PRR5L: variants seen among roughly 807,000 people sequenced by gnomAD.
The protein encoded by PRR5L is proline rich 5 like.
PRR5L carries 21 observed loss-of-function variants against 36.4 expected under a neutral mutation model. The ratio of observed to expected loss-of-function variants is 0.58; its 90% CI spans 0.41 to 0.83. The LOEUF is 0.83. PRR5L is among the 40% of genes least tolerant of loss of function. PRR5L has a pLI of 0.00. For missense variants in PRR5L, 381 were observed against 473.3 expected (o/e 0.80, Z 1.81); for synonymous variants, 188 against 197.0 (o/e 0.95, Z 0.38).
intron 1 of PRR5L, among the ~76,000 whole-genome samples, chr11:36,348,441 G>A (rs1487289150): frequency 2.0e-5 from 3 of 152,032 alleles, no homozygotes; most frequent in East Asian, 1.9e-4. Flanking sequence ...CTATGCATCC[G>A]AATCCCACTC....
At chr11:36,438,509 C>A (rs182563460) in intron 6 of PRR5L, among the ~76,000 whole-genome samples, 1 of 152,304 alleles carries the variant, frequency 6.6e-6, no homozygotes, top group Admixed American at 6.5e-5. Context: ...GTTAGACCCA[C>A]CCCATAACAT....
chr11:36,393,668 A>G (rs1857603108), intron 1 of PRR5L, among the ~76,000 whole-genome samples: 2 of 152,136 alleles, frequency 1.3e-5, no homozygotes, highest in Admixed American at 1.3e-4. Context: ...TGGGTCTTTC[A>G]TGGTTTCATA....
At chr11:36,353,537 G>C (rs1856996589) in intron 1 of PRR5L, among the ~76,000 whole-genome samples, 1 of 152,194 alleles carries the variant, frequency 6.6e-6, no homozygotes, top group Non-Finnish European at 1.5e-5. Context: ...TTGGATTCTA[G>C]AGCAGCAGTC....
chr11:36,440,918 C>T (rs1353935888), intron 6 of PRR5L, among the ~76,000 whole-genome samples: 1 of 152,086 alleles, frequency 6.6e-6, no homozygotes, highest in Non-Finnish European at 1.5e-5. Context: ...AGAGTGAGAA[C>T]TAATAGAGTG....
intron 1 of PRR5L, among the ~76,000 whole-genome samples, chr11:36,324,999 C>A (rs1438719926): frequency 6.6e-6 from 1 of 152,134 alleles, no homozygotes; most frequent in Non-Finnish European, 1.5e-5. Flanking sequence ...TCCTTGCTCC[C>A]AGAGCTCCCA....
intron 3 of PRR5L, among the ~76,000 whole-genome samples, chr11:36,417,284 G>A (rs1858165055): frequency 6.6e-6 from 1 of 152,154 alleles, no homozygotes; most frequent in Non-Finnish European, 1.5e-5. Flanking sequence ...CAAGGATGAC[G>A]AAGACTTTGT....
chr11:36,417,448 G>A (rs975709377), intron 3 of PRR5L, among the ~76,000 whole-genome samples: 4 of 152,148 alleles, frequency 2.6e-5, no homozygotes, highest in Non-Finnish European at 4.4e-5. Flanking sequence ...TGCCCAACCC[G>A]CTCTTAGTCC....
intron 3 of PRR5L, among the ~76,000 whole-genome samples, chr11:36,412,032 A>G (rs188626354): frequency 6.6e-6 from 1 of 152,296 alleles, no homozygotes; most frequent in Admixed American, 6.5e-5. Flanking sequence ...TTACTTGTGC[A>G]GTAATCCTGT....
At chr11:36,393,358 A>G (rs781731024) in intron 1 of PRR5L, among the ~76,000 whole-genome samples, 8 of 152,148 alleles carry the variant, frequency 5.3e-5, no homozygotes, top group Non-Finnish European at 1.2e-4. Context: ...TGATTTTTAT[A>G]TATAAGATAG....
At chr11:36,407,026 A>C (rs751853060) in intron 3 of PRR5L, among the ~76,000 whole-genome samples, 6 of 152,250 alleles carry the variant, frequency 3.9e-5, no homozygotes, top group Admixed American at 2.6e-4. Context: ...TAATGCTAAA[A>C]GCATCCTTAG....
chr11:36,376,686 C>T, intron 1 of PRR5L: 1 of 988,998 alleles, frequency 1.0e-6, no homozygotes, highest in South Asian at 4.6e-5. Flanking sequence ...GGGTGATTCA[C>T]GCCGGGGACC....
chr11:36,373,032 CTGG>C (rs1421044532), intron 1 of PRR5L, among the ~76,000 whole-genome samples: 21 of 151,242 alleles, frequency 1.4e-4, no homozygotes, highest in African/African-American at 4.6e-4. Flanking sequence ...TGTAATCTTA[CTGG>C]TGAAGTGTAC....
intron 8 of PRR5L, among the ~76,000 whole-genome samples, chr11:36,455,890 G>A (rs1859047409): frequency 2.0e-5 from 3 of 152,220 alleles, no homozygotes; most frequent in Admixed American, 2.0e-4. Context: ...CTGCCCGGGG[G>A]ACTCAACACA....
At chr11:36,298,074 G>A (rs1474483196) in intron 1 of PRR5L, among the ~76,000 whole-genome samples, 1 of 152,174 alleles carries the variant, frequency 6.6e-6, no homozygotes, top group Non-Finnish European at 1.5e-5. Flanking sequence ...GGGGATCTCT[G>A]AGTTGCTGGT....
intron 1 of PRR5L, among the ~76,000 whole-genome samples, chr11:36,324,298 T>C (rs187213185): frequency 2.1e-3 from 321 of 152,314 alleles, no homozygotes; most frequent in African/African-American, 7.5e-3. Context: ...CCAAAAAATA[T>C]ATACTGCATC....
At chr11:36,407,713 G>C (rs1590548662) in intron 3 of PRR5L, among the ~76,000 whole-genome samples, 1 of 152,208 alleles carries the variant, frequency 6.6e-6, no homozygotes, top group African/African-American at 2.4e-5. Flanking sequence ...TGTAGGGTTA[G>C]TATGTACCTG....
chr11:36,368,013 G>A (rs1857162005), intron 1 of PRR5L, among the ~76,000 whole-genome samples: 1 of 152,058 alleles, frequency 6.6e-6, no homozygotes. Context: ...GGGAGGTGGT[G>A]TTAAGAGAGT....
At chr11:36,420,441 C>A (rs1286787250) in intron 4 of PRR5L, among the ~76,000 whole-genome samples, 1 of 152,140 alleles carries the variant, frequency 6.6e-6, no homozygotes, top group Non-Finnish European at 1.5e-5. Context: ...AGTTGCTTTA[C>A]CTCTCTGTAT....
intron 1 of PRR5L, among the ~76,000 whole-genome samples, chr11:36,314,553 G>A (rs1429837478): frequency 3.3e-5 from 5 of 152,180 alleles, no homozygotes; most frequent in Non-Finnish European, 7.3e-5. Flanking sequence ...TGTTTTAAGG[G>A]TTCCCCTTGA....
Sources: gnomAD v4.1 joint callset for allele counts (sites outside exome capture counted in the v4.1 genomes callset) on GRCh38, gnomAD v4.1.1 for gene constraint, MANE v1.5 for transcripts, NCBI Gene and HGNC (gene_info 2026-07-23, HGNC 2026-07-21) for gene names.